Variants in PTPDC1 observed in about 807,000 individuals in gnomAD.
PTPDC1 encodes the protein protein tyrosine phosphatase domain containing 1.
PTPDC1 carries 53 observed loss-of-function variants against 75.3 expected under a neutral mutation model. That is an observed-to-expected ratio of 0.70 (90% CI 0.56 to 0.88). The LOEUF is 0.88. Ranked by LOEUF, PTPDC1 falls within the 40% of genes least tolerant of loss-of-function variation. The pLI, the probability that PTPDC1 is intolerant of heterozygous loss-of-function variation, is 0.00. For synonymous variants in PTPDC1, 349 were observed against 366.2 expected (o/e 0.95, Z 0.54); for missense variants, 925 against 998.6 (o/e 0.93, Z 0.99).
intron 1 of PTPDC1, among the ~76,000 whole-genome samples, chr9:94,048,057 T>G (rs778093416): frequency 1.2e-4 from 18 of 152,190 alleles, no homozygotes; most frequent in Non-Finnish European, 2.5e-4. Context: ...AATCCTCCCT[T>G]TATCATTTTT....
At chr9:94,050,306 C>T (rs1027321569) in intron 1 of PTPDC1, among the ~76,000 whole-genome samples, 6 of 152,098 alleles carry the variant, frequency 3.9e-5, no homozygotes, top group Non-Finnish European at 8.8e-5. Flanking sequence ...TTTAGAGTTT[C>T]CAGTTTTTCT....
In PTPDC1 at chr9:94,097,931, C is replaced by T. The variant is rs764435170; in HGVS notation, c.1365C>T (p.Ala455=). The T allele has an allele frequency of 1.1e-5, 17 of 1,613,982 alleles. No individual in the cohort carries two copies. The highest frequency in any genetic ancestry group is 4.5e-5 in the East Asian group (2 of 44,888). The change falls in exon 6 of 9, where the codon GCC becomes GCT. Residue 455 remains alanine, a synonymous_variant. Coordinates refer to ENST00000620992, the MANE Select transcript of PTPDC1 (RefSeq NM_001253829.2). ...ACAGTGACTCAGATTTAAAGAGGGC[C>T]GAGAACCTCCTGGAGCAAGGGGAGA... ...LSYSDSDLKR[A]ENLLEQGETP...
rs571828051 is a variant in PTPDC1, at chr9:94,067,376, TGA to T, written c.82+2558_82+2559del. Among the ~76,000 whole-genome samples, 906 of 150,762 alleles carry T rather than the reference TGA, an allele frequency of 6.0e-3. 11 individuals are homozygous for T. The highest frequency in any genetic ancestry group is 0.021 in the African/African-American group (847 of 40,844). On this transcript the variant is annotated intron_variant, in intron 2 of 9. Coordinates refer to the PTPDC1 transcript ENST00000375360. The stretch of plus-strand genomic sequence containing the variant: ...CTGCATTCCAGCCTGGGTGACAGAG[TGA>T]GACTCCATCTCAAAAAAAAAAAATA...
intron 2 of PTPDC1, among the ~76,000 whole-genome samples, chr9:94,071,407 T>A (rs1826507999): frequency 1.3e-5 from 2 of 152,196 alleles, no homozygotes; most frequent in Admixed American, 1.3e-4. Flanking sequence ...CTTGCTCTGA[T>A]ACGTGGTTTG....
At chr9:94,086,439 G>A (rs959584997) in intron 2 of PTPDC1, among the ~76,000 whole-genome samples, 1 of 152,118 alleles carries the variant, frequency 6.6e-6, no homozygotes, top group Non-Finnish European at 1.5e-5. Context: ...AATTATCACT[G>A]GGGGTCCAAA....
In PTPDC1 at chr9:94,107,875, GA is replaced by G. The variant is rs767856316; in HGVS notation, c.2362del (p.Ile788TyrfsTer12). ...NGPTVYNTLK[K>X]IFKHTLEEKR... is the part of the protein sequence containing the mutation. The stretch of plus-strand genomic sequence containing the variant: ...GACCAACAGTTTACAACACCCTGAA[GA>G]AAATATTTAAGCACACGCTGGAAGA... On this transcript the variant is annotated frameshift_variant, in exon 9 of 9. Coordinates refer to ENST00000620992, the MANE Select transcript of PTPDC1 (RefSeq NM_001253829.2). LOFTEE classifies it high-confidence loss of function. The G allele has an allele frequency of 3.7e-6, 6 of 1,609,560 alleles. No individual in the cohort carries two copies. The South Asian group carries it at 6.6e-5, about 18-fold the overall frequency.
intron 1 of PTPDC1, among the ~76,000 whole-genome samples, chr9:94,037,686 C>A (rs1026510575): frequency 6.6e-6 from 1 of 152,000 alleles, no homozygotes; most frequent in African/African-American, 2.4e-5. Context: ...AACCCAGGAA[C>A]AAAATCCACT....
At position 94,097,574 on chromosome 9, in the gene PTPDC1, G is replaced by A. The variant is rs150760208; in HGVS notation, c.1008G>A (p.Leu336=). The A allele has an allele frequency of 1.1e-4, 181 of 1,613,850 alleles. No individual in the cohort carries two copies. Among genetic ancestry groups the A allele is most frequent in the Non-Finnish European group, 2.2e-5 (26 of 1,180,050 alleles). Residue 336 remains leucine, a synonymous_variant, in exon 6 of 9, where the codon CTG becomes CTA. Transcript: ENST00000620992. ...TTCATGGTTATGAGGCACGACTTCTGAAACACGTGCCAAAAATTATCCACC... is the reference window on the plus strand; with the variant it reads ...TTCATGGTTATGAGGCACGACTTCTAAAACACGTGCCAAAAATTATCCACC... The part of the protein sequence containing the change: ...HLLHGYEARL[L]KHVPKIIHLV...
chr9:94,104,311 A>C lies in PTPDC1; in HGVS notation c.2236A>C (p.Ile746Leu). 1 of 1,613,924 alleles carries C rather than the reference A, an allele frequency of 6.2e-7. No homozygotes were observed. ...GACTATTCTCTGCGTGTTGCACTGC[A>C]TAGTGAACCTGCAGACAATTCCCGT... ...HQTILCVLHCIVNLQTIPVDV... is the reference protein window; with the variant it reads ...HQTILCVLHCLVNLQTIPVDV... The change falls in exon 8 of 9, where the codon ATA becomes CTA. Residue 746 changes from isoleucine to leucine, a missense_variant. Physicochemically the swap from Ile to Leu is conservative, Grantham distance 5 (BLOSUM62 2). Coordinates refer to ENST00000620992, the MANE Select transcript of PTPDC1 (RefSeq NM_001253829.2).
chr9:94,064,736 T>C, exon 2 of PTPDC1: 1 of 1,610,656 alleles, frequency 6.2e-7, no homozygotes, highest in Non-Finnish European at 8.5e-7. Flanking sequence ...TCCAACAGAC[T>C]ACCATGGCTG....
chr9:94,056,035 A>G (rs1283628539), intron 1 of PTPDC1, among the ~76,000 whole-genome samples: 1 of 152,144 alleles, frequency 6.6e-6, no homozygotes, highest in Non-Finnish European at 1.5e-5. Context: ...GGAGTCTGTT[A>G]GGGGATGGGT....
chr9:94,101,307 CTCAG>C (rs1827831846), intron 6 of PTPDC1: 1 of 336,230 alleles, frequency 3.0e-6, no homozygotes, highest in East Asian at 4.7e-5. Flanking sequence ...CCGACCTTAT[CTCAG>C]TCAATCAGCC....
intron 6 of PTPDC1, 82 bp from the exon 7 acceptor site, chr9:94,101,484 T>C: frequency 1.9e-6 from 2 of 1,049,310 alleles, no homozygotes; most frequent in Non-Finnish European, 2.8e-6. Context: ...AGCGCAAGAA[T>C]CATGCAGTGT....
chr9:94,088,873 A>T (rs1397762579), intron 4 of PTPDC1, among the ~76,000 whole-genome samples: 4 of 152,146 alleles, frequency 2.6e-5, no homozygotes, highest in Non-Finnish European at 4.4e-5. Flanking sequence ...AAATCCATAT[A>T]TACTGTCTTA....
intron 1 of PTPDC1, among the ~76,000 whole-genome samples, chr9:94,051,782 C>A (rs1352385105): frequency 1.3e-5 from 2 of 152,054 alleles, no homozygotes; most frequent in African/African-American, 2.4e-5. Context: ...CCTTTATTAT[C>A]TTTTTGCTGT....
chr9:94,036,255 C>T (rs1251149600), intron 1 of PTPDC1, among the ~76,000 whole-genome samples: 2 of 151,922 alleles, frequency 1.3e-5, no homozygotes, highest in Non-Finnish European at 2.9e-5. Flanking sequence ...AAAATTATTG[C>T]CAAGACTAAT....
intron 1 of PTPDC1, among the ~76,000 whole-genome samples, chr9:94,051,778 T>A (rs1339658298): frequency 1.3e-5 from 2 of 152,198 alleles, no homozygotes; most frequent in Non-Finnish European, 2.9e-5. Context: ...TATTCCTTTA[T>A]TATCTTTTTG....
At chr9:94,043,891 G>A (rs1207017302) in intron 1 of PTPDC1, among the ~76,000 whole-genome samples, 1 of 152,174 alleles carries the variant, frequency 6.6e-6, no homozygotes, top group African/African-American at 2.4e-5. Context: ...ACATCCAGAT[G>A]TCTTGCATCA....
At chr9:94,084,386 G>T, upstream of PTPDC1, 1 of 1,346,028 alleles carries the variant, frequency 7.4e-7, no homozygotes, top group East Asian at 2.6e-5. Context: ...TAGTTTCTTT[G>T]TTTGTCGCCA....
Sources: allele counts gnomAD v4.1 joint callset (sites outside exome capture counted in the v4.1 genomes callset), GRCh38; gene constraint gnomAD v4.1.1; transcripts MANE v1.5; gene names NCBI Gene and HGNC (gene_info 2026-07-23, HGNC 2026-07-21).